AFAP1: variants seen among roughly 807,000 people sequenced by gnomAD.
AFAP1 encodes the protein actin filament-associated protein 1.
In AFAP1, 75 loss-of-function variants were observed where a neutral mutation model predicts 93.9. That is an observed-to-expected ratio of 0.80 (90% CI 0.66 to 0.97). The LOEUF (loss-of-function observed/expected upper bound fraction) is 0.97. AFAP1 is among the 50% of genes least tolerant of loss of function. The pLI is 0.00. For synonymous variants in AFAP1, 517 were observed against 430.7 expected (o/e 1.20, Z -2.48); for missense variants, 1,201 against 1,050.8 (o/e 1.14, Z -1.98).
chr4:7,770,023 G>A (rs1220930462), intron 16 of AFAP1, among the ~76,000 whole-genome samples: 1 of 152,214 alleles, frequency 6.6e-6, no homozygotes, highest in Non-Finnish European at 1.5e-5. Flanking sequence ...CTCAAGAGGG[G>A]TCCACCGAAT....
intron 13 of AFAP1, 149 bp downstream of exon 13, chr4:7,781,227 G>C (rs969249211): frequency 6.8e-6 from 7 of 1,024,562 alleles, no homozygotes; most frequent in Non-Finnish European, 1.4e-6. Context: ...TTCCTTGGTA[G>C]TCAGGCTGCA....
chr4:7,849,410 G>T (rs1269345922), intron 4 of AFAP1, among the ~76,000 whole-genome samples: 3 of 152,130 alleles, frequency 2.0e-5, no homozygotes, highest in African/African-American at 7.2e-5. Flanking sequence ...GAAAGGAGTG[G>T]AAAAAGCACA....
intron 1 of AFAP1, among the ~76,000 whole-genome samples, chr4:7,896,319 G>A (rs1031711066): frequency 1.3e-5 from 2 of 152,016 alleles, no homozygotes; most frequent in Non-Finnish European, 2.9e-5. Context: ...TGAGGACTCA[G>A]AAGTTACAAG....
At chr4:7,844,484 G>T (rs893871590) in intron 4 of AFAP1, among the ~76,000 whole-genome samples, 11 of 152,182 alleles carry the variant, frequency 7.2e-5, no homozygotes, top group Admixed American at 2.6e-4. Context: ...AATACACTAG[G>T]TCAAATGCCC....
At chr4:7,919,580 T>C (rs956946980) in intron 1 of AFAP1, among the ~76,000 whole-genome samples, 1 of 152,172 alleles carries the variant, frequency 6.6e-6, no homozygotes, top group African/African-American at 2.4e-5. Context: ...GAAAGAGCTT[T>C]GGGATTTTCT....
intron 5 of AFAP1, among the ~76,000 whole-genome samples, chr4:7,841,803 A>G (rs1713048002): frequency 6.6e-6 from 1 of 151,048 alleles, no homozygotes; most frequent in Non-Finnish European, 1.5e-5. Flanking sequence ...AGTAGTAGGT[A>G]TTATCATCCT....
intron 6 of AFAP1, among the ~76,000 whole-genome samples, chr4:7,821,715 A>G (rs1224586218): frequency 6.6e-6 from 1 of 152,204 alleles, no homozygotes; most frequent in Non-Finnish European, 1.5e-5. Flanking sequence ...AGTCCCAGAT[A>G]TGTGTGTAGT....
At chr4:7,885,190 T>G (rs768209031) in intron 1 of AFAP1, among the ~76,000 whole-genome samples, 3 of 152,214 alleles carry the variant, frequency 2.0e-5, no homozygotes, top group Non-Finnish European at 4.4e-5. Flanking sequence ...ATAAAAATCT[T>G]AATTAACCTG....
intron 4 of AFAP1, among the ~76,000 whole-genome samples, chr4:7,853,905 T>C (rs528104251): frequency 1.3e-5 from 2 of 152,174 alleles, no homozygotes; most frequent in Non-Finnish European, 2.9e-5. Flanking sequence ...CGTGAGTTCC[T>C]CAGTCACCTC....
intron 1 of AFAP1, among the ~76,000 whole-genome samples, chr4:7,933,999 C>T (rs960741930): frequency 1.3e-5 from 2 of 152,202 alleles, no homozygotes; most frequent in African/African-American, 2.4e-5. Context: ...AAATCCCTAG[C>T]GGAGTGTCTG....
chr4:7,912,220 T>C (rs1719773844), intron 1 of AFAP1, among the ~76,000 whole-genome samples: 1 of 152,172 alleles, frequency 6.6e-6, no homozygotes, highest in Non-Finnish European at 1.5e-5. Context: ...GTCCGGGCTG[T>C]TTCCAGTTTC....
At chr4:7,812,767 C>T (rs573918849) in intron 8 of AFAP1, among the ~76,000 whole-genome samples, 6 of 152,300 alleles carry the variant, frequency 3.9e-5, no homozygotes, top group Admixed American at 6.5e-5. Flanking sequence ...CAGTAACCGA[C>T]GGAAACGGGA....
At chr4:7,843,793 T>C (rs1392801442) in intron 4 of AFAP1, 1 of 173,212 alleles carries the variant, frequency 5.8e-6, no homozygotes, top group Admixed American at 5.4e-5. Context: ...CCTGCTGGCA[T>C]CCCCACGTGC....
intron 3 of AFAP1, among the ~76,000 whole-genome samples, chr4:7,858,808 C>G (rs1019620971): frequency 1.3e-5 from 2 of 152,160 alleles, no homozygotes; most frequent in Admixed American, 6.5e-5. Context: ...CCTTCAGTGC[C>G]CACCCCAGCT....
At chr4:7,890,004 T>TAA (rs543991662) in intron 1 of AFAP1, among the ~76,000 whole-genome samples, 34,940 of 99,780 alleles carry the variant, frequency 0.35, 6,286 homozygotes, top group East Asian at 0.43. Flanking sequence ...CAATTTTTGT[T>TAA]AAAAAAAAAA....
At chr4:7,832,765 T>A (rs917927859) in intron 6 of AFAP1, among the ~76,000 whole-genome samples, 2 of 150,638 alleles carry the variant, frequency 1.3e-5, no homozygotes, top group Non-Finnish European at 2.9e-5. Flanking sequence ...AACTACAGTA[T>A]AAGGCCATAG....
intron 4 of AFAP1, among the ~76,000 whole-genome samples, chr4:7,848,288 C>T (rs1441341558): frequency 6.6e-6 from 1 of 151,032 alleles, no homozygotes; most frequent in East Asian, 2.0e-4. Flanking sequence ...GGGGGGATGG[C>T]TCATGCTATT....
At chr4:7,884,621 C>T (rs955583803) in intron 1 of AFAP1, among the ~76,000 whole-genome samples, 1 of 152,076 alleles carries the variant, frequency 6.6e-6, no homozygotes, top group Non-Finnish European at 1.5e-5. Context: ...GTTGGGACAA[C>T]TGGTAACTAT....
intron 8 of AFAP1, among the ~76,000 whole-genome samples, chr4:7,810,883 G>A (rs1169443420): frequency 6.6e-6 from 1 of 152,206 alleles, no homozygotes; most frequent in Non-Finnish European, 1.5e-5. Flanking sequence ...GGCATCCTAT[G>A]TCTGCCCCAT....
Sources: allele counts gnomAD v4.1 joint callset (sites outside exome capture counted in the v4.1 genomes callset), GRCh38; gene constraint gnomAD v4.1.1; transcripts MANE v1.5; gene names NCBI Gene and HGNC (gene_info 2026-07-23, HGNC 2026-07-21).